COL22A1: variants seen among roughly 807,000 people sequenced by gnomAD.
COL22A1 encodes collagen alpha-1(XXII) chain.
Under a neutral mutation model 248.9 loss-of-function variants are expected in COL22A1, and 221 were observed. The ratio of observed to expected loss-of-function variants is 0.89; its 90% confidence interval spans 0.80 to 0.99. COL22A1 has a LOEUF of 0.99. COL22A1 is among the 50% of genes least tolerant of loss of function. COL22A1 has a pLI of 0.00. For synonymous variants in COL22A1, 891 were observed against 793.4 expected, an observed-to-expected ratio of 1.12 and a Z score of -2.07; for missense variants, 2,240 against 2,179.0, an observed-to-expected ratio of 1.03 and a Z score of -0.56.
intron 55 of COL22A1, among the ~76,000 whole-genome samples, chr8:138,614,458 A>G (rs1819147539): frequency 6.6e-6 from 1 of 152,226 alleles, no homozygotes; most frequent in South Asian, 2.1e-4. Flanking sequence ...CTTCTACACA[A>G]AGTAGACTGA....
intron 12 of COL22A1, among the ~76,000 whole-genome samples, chr8:138,783,425 G>A (rs1050353080): frequency 6.6e-6 from 1 of 152,156 alleles, no homozygotes; most frequent in East Asian, 1.9e-4. Flanking sequence ...GGAGTTCAGT[G>A]TTCCAGGGCA....
intron 12 of COL22A1, among the ~76,000 whole-genome samples, chr8:138,788,971 A>T (rs1243873154): frequency 6.6e-6 from 1 of 152,180 alleles, no homozygotes; most frequent in African/African-American, 2.4e-5. Context: ...CAAGTTCTAG[A>T]TCCAGCCAGT....
intron 1 of COL22A1, among the ~76,000 whole-genome samples, chr8:138,891,574 T>C (rs1203422033): frequency 2.0e-5 from 3 of 152,192 alleles, no homozygotes; most frequent in Non-Finnish European, 4.4e-5. Context: ...AGCTCCATTG[T>C]ACAGAGTAAG....
chr8:138,626,624 A>G (rs1820262632), intron 50 of COL22A1, among the ~76,000 whole-genome samples: 1 of 152,216 alleles, frequency 6.6e-6, no homozygotes, highest in African/African-American at 2.4e-5. Flanking sequence ...TTCTCTACCC[A>G]TACAGCACAT....
rs1430238742 is a variant in COL22A1, at chr8:138,807,819, GAAGA to G, written c.1450-11_1450-8del. On this transcript the variant is annotated splice_polypyrimidine_tract_variant and splice_region_variant and intron_variant, in intron 9 of 64. Coordinates refer to ENST00000303045, the MANE Select transcript of COL22A1 (RefSeq NM_152888.3). The stretch of plus-strand genomic sequence containing the variant: ...CAGCAACTCCCATTTCACCCTAAAA[GAAGA>G]AAGACAACAAAAAAGTAAGTTTCTA... 6.2e-7 allele frequency: 1 copy of G among 1,613,566 alleles called. No individual in the cohort carries two copies. Among genetic ancestry groups the G allele is most frequent in the Non-Finnish European group, 8.5e-7 (1 of 1,179,732 alleles).
rs137904412 is a variant in COL22A1, at chr8:138,799,656, C to T, written c.1558-2799G>A. On this transcript the variant is annotated intron_variant, in intron 11 of 64. Transcript: ENST00000303045. ...TTTGAAAGTCTCTTTCTTGATTTCTCGGTCAAACTGTCTGCCTCTGCTGAC... is the reference window on the plus strand; with the variant it reads ...TTTGAAAGTCTCTTTCTTGATTTCTTGGTCAAACTGTCTGCCTCTGCTGAC... Among the ~76,000 whole-genome samples, 418 of 152,268 alleles carry T rather than the reference C, an allele frequency of 2.7e-3. 2 individuals are homozygous for T. Among genetic ancestry groups the T allele is most frequent in the African/African-American group, 9.6e-3 (397 of 41,542 alleles).
intron 4 of COL22A1, among the ~76,000 whole-genome samples, chr8:138,833,965 G>A (rs868073836): frequency 1.3e-5 from 2 of 152,142 alleles, no homozygotes; most frequent in South Asian, 2.1e-4. Flanking sequence ...CTAAATATGT[G>A]TCACTCGGCA....
intron 6 of COL22A1, among the ~76,000 whole-genome samples, chr8:138,826,294 T>G (rs191498615): frequency 8.5e-5 from 13 of 152,292 alleles, no homozygotes; most frequent in African/African-American, 2.6e-4. Context: ...TATGTGACCC[T>G]GAGCCAGTGC....
At chr8:138,793,681 C>T (rs142968691) in intron 12 of COL22A1, among the ~76,000 whole-genome samples, 19 of 152,314 alleles carry the variant, frequency 1.2e-4, no homozygotes, top group African/African-American at 3.8e-4. Context: ...TATGCCCTCG[C>T]GGCATCAGAC....
chr8:138,906,599 CTT>C (rs999635228), intron 1 of COL22A1, among the ~76,000 whole-genome samples: 3 of 151,470 alleles, frequency 2.0e-5, no homozygotes, highest in African/African-American at 4.9e-5. Flanking sequence ...TTAATTGAAA[CTT>C]TTATTTTCTG....
At position 138,685,327 on chromosome 8, in the gene COL22A1, A is replaced by T; in HGVS notation, c.2863-15T>A. The T allele has an allele frequency of 6.2e-7, 1 of 1,606,772 alleles. No homozygotes were observed. The highest frequency in any genetic ancestry group is 8.5e-7 in the Non-Finnish European group (1 of 1,173,752). On this transcript the variant is annotated splice_polypyrimidine_tract_variant and intron_variant, in intron 37 of 64. Transcript: ENST00000303045. The stretch of plus-strand genomic sequence containing the variant: ...CCCGCTGCACCCTGGAAAGAAAAGT[A>T]GACATTTCCCAGGGTCAATTACACT...
intron 22 of COL22A1, among the ~76,000 whole-genome samples, chr8:138,748,170 T>C (rs1402427208): frequency 3.3e-5 from 5 of 152,178 alleles, no homozygotes; most frequent in East Asian, 3.9e-4. Flanking sequence ...TTCCCTTGGA[T>C]GTGCCTATTT....
chr8:138,753,349 T>G (rs1215825725), intron 21 of COL22A1, among the ~76,000 whole-genome samples: 1 of 152,206 alleles, frequency 6.6e-6, no homozygotes, highest in Non-Finnish European at 1.5e-5. Flanking sequence ...TGTTCTTCTC[T>G]TAATAAGGCC....
intron 22 of COL22A1, among the ~76,000 whole-genome samples, chr8:138,749,315 C>G (rs1157288082): frequency 6.6e-6 from 1 of 152,154 alleles, no homozygotes; most frequent in African/African-American, 2.4e-5. Flanking sequence ...AAGATGTTCC[C>G]TCCTTGCCTT....
chr8:138,850,799 C>T (rs1821583066), intron 3 of COL22A1, among the ~76,000 whole-genome samples: 1 of 152,214 alleles, frequency 6.6e-6, no homozygotes, highest in Non-Finnish European at 1.5e-5. Context: ...AACTCAAAAA[C>T]AGAGGCGAAA....
intron 44 of COL22A1, among the ~76,000 whole-genome samples, chr8:138,658,444 G>C (rs1450063716): frequency 2.0e-5 from 3 of 152,136 alleles, no homozygotes; most frequent in Admixed American, 6.5e-5. Flanking sequence ...TCAGCCATGT[G>C]GGCACTCCAT....
At chr8:138,791,512 T>C (rs955324301) in intron 12 of COL22A1, among the ~76,000 whole-genome samples, 2 of 152,168 alleles carry the variant, frequency 1.3e-5, no homozygotes, top group Non-Finnish European at 2.9e-5. Context: ...GTAAACCAAA[T>C]AAAGACATCT....
chr8:138,589,264 T>A lies in COL22A1; in HGVS notation c.4870A>T (p.Lys1624Ter). ...ASLAARPGNVKGP is the reference protein window; with the variant it reads ...ASLAARPGNV ...CTTTCCAGAGTCCTTTAGGGACCCT[T>A]CACATTACCCGGCCGGGCAGCAAGG... The change falls in exon 65 of 65, where the codon AAG (lysine) becomes TAG (stop). Residue 1624 changes from lysine (K) to a stop codon, truncating the protein, a stop_gained. Transcript: ENST00000303045. LOFTEE classifies it high-confidence loss of function. 2 of 1,613,652 alleles carry A rather than the reference T, an allele frequency of 1.2e-6. No individual in the cohort carries two copies. The highest frequency in any genetic ancestry group is 1.3e-5 in the African/African-American group (1 of 74,978).
At chr8:138,680,243 G>A (rs917678972) in intron 39 of COL22A1, among the ~76,000 whole-genome samples, 3 of 152,198 alleles carry the variant, frequency 2.0e-5, no homozygotes, top group Admixed American at 6.5e-5. Flanking sequence ...GGTTGTAGAC[G>A]GAGGATGATA....
Sources: gnomAD v4.1 joint callset for allele counts (sites outside exome capture counted in the v4.1 genomes callset) on GRCh38, gnomAD v4.1.1 for gene constraint, MANE v1.5 for transcripts, NCBI Gene and HGNC (gene_info 2026-07-23, HGNC 2026-07-21) for gene names.